The following XKR5 variants were observed in gnomAD, a reference collection of about 807,000 sequenced individuals.
XKR5 encodes XK related 5, also known as XK-related protein 5.
XKR5 carries 46 observed loss-of-function variants against 40.8 expected under a neutral mutation model. The observed-to-expected ratio is 1.13, with a 90% CI of 0.89 to 1.44. XKR5 has a LOEUF of 1.44. Ranked by LOEUF, XKR5 falls within the 40% of genes most tolerant of loss-of-function variation. The probability of loss-of-function intolerance (pLI) is 0.00; values close to 1 mark genes in which losing one functional copy is unlikely to be tolerated. For synonymous variants in XKR5, 466 were observed against 356.1 expected, an observed-to-expected ratio of 1.31 and a Z score of -3.48; for missense variants, 1,169 against 844.7, an observed-to-expected ratio of 1.38 and a Z score of -4.76.
chr8:6,833,554 A>C (rs1804867343), intron 1 of XKR5, among the ~76,000 whole-genome samples: 1 of 152,152 alleles, frequency 6.6e-6, no homozygotes. Flanking sequence ...CTCTCTACTA[A>C]AAATACAAAA....
intron 6 of XKR5, among the ~76,000 whole-genome samples, chr8:6,814,495 G>A (rs528803025): frequency 9.9e-5 from 15 of 152,224 alleles, no homozygotes; most frequent in African/African-American, 3.1e-4. Context: ...GAGAGGAAGG[G>A]GGCCACATGA....
Position 6,810,991 on chromosome 8 carries a change from A to G in XKR5, c.*207T>C. The G allele has an allele frequency of 1.8e-6, 1 of 549,910 alleles. No individual in the cohort carries two copies. Among genetic ancestry groups the G allele is most frequent in the Non-Finnish European group, 3.2e-6 (1 of 313,254 alleles). 34.1% of individuals were successfully genotyped at this position (549,910 alleles called of 1,614,324 possible). A position where few individuals can be genotyped will look rare whatever the true frequency, so the allele number is the denominator to read the frequency against. On this transcript the variant is annotated 3_prime_UTR_variant, in exon 7 of 7. Coordinates refer to ENST00000618742, the MANE Select transcript of XKR5 (RefSeq NM_207411.5). ...TCTAAAGTATGTTAGAGTCTCTCCT[A>G]TGCATGGGTGGGGTCTGTGATGTTT... is the stretch of plus-strand genomic sequence containing the variant.
At chr8:6,832,615 G>A in intron 2 of XKR5, 102 bp downstream of exon 2, 1 of 1,479,240 alleles carries the variant, frequency 6.8e-7, no homozygotes, top group East Asian at 2.3e-5. Context: ...TCCCAATGCT[G>A]AACTTTTATG....
At position 6,826,250 on chromosome 8, in the gene XKR5, T is replaced by C. The variant is rs905952837; in HGVS notation, c.243-901A>G. ...GCTTGCATATATATAGTGTGTATGT[T>C]TATATATGTGTGTGCATGAAGGTAT... On this transcript the variant is annotated intron_variant, in intron 2 of 6. Transcript: ENST00000618742. Among the ~76,000 whole-genome samples the C allele has an allele frequency of 5.3e-5, 8 of 152,156 alleles. No homozygotes were observed. The South Asian group carries it at 1.7e-3, about 32-fold the overall frequency.
At chr8:6,830,825 A>G (rs73661489) in intron 2 of XKR5, among the ~76,000 whole-genome samples, 2,623 of 152,300 alleles carry the variant, frequency 0.017, 82 homozygotes, top group African/African-American at 0.058. Context: ...AAATCATGGC[A>G]TCACTTAAGA....
rs13272311 is a variant in XKR5, at chr8:6,809,778, T to C, written c.*1420A>G. On this transcript the variant is annotated 3_prime_UTR_variant, in exon 7 of 7. Coordinates refer to ENST00000618742, the MANE Select transcript of XKR5 (RefSeq NM_207411.5). ...CTACTATTCCTTTTTAGAGCTCTAATATTGTACCCTAATCCAAAAGTGTTT... is the reference window on the plus strand; with the variant it reads ...CTACTATTCCTTTTTAGAGCTCTAACATTGTACCCTAATCCAAAAGTGTTT... 3 of 152,188 alleles carry C rather than the reference T, an allele frequency of 2.0e-5. No homozygotes were observed. Among genetic ancestry groups the C allele is most frequent in the African/African-American group, 7.2e-5 (3 of 41,448 alleles). 9.4% of individuals were successfully genotyped at this position (152,188 alleles called of 1,614,324 possible).
Position 6,812,273 on chromosome 8 carries a change from C to T in XKR5, c.986G>A (p.Cys329Tyr). 6.4e-7 allele frequency: 1 copy of T among 1,554,086 alleles called. No homozygotes were observed. Among genetic ancestry groups the T allele is most frequent in the South Asian group, 1.2e-5 (1 of 84,164 alleles). Residue 329 changes from cysteine to tyrosine, a missense_variant, in exon 7 of 7, where the codon TGC becomes TAC. By Grantham distance (194) the Cys-to-Tyr change is radical (BLOSUM62 -2). Transcript: ENST00000618742. ...HPKSTDIWQG[C>Y]LRKSCGIAGG... ...TGCAATGCCACAGGACTTCCTTAGG[C>T]AGCCCTGCCAGATGTCTGTGGATTT... is the stretch of plus-strand genomic sequence containing the variant.
chr8:6,832,437 T>C (rs1223799890), intron 2 of XKR5, among the ~76,000 whole-genome samples: 2 of 152,008 alleles, frequency 1.3e-5, no homozygotes, highest in Non-Finnish European at 2.9e-5. Flanking sequence ...AACCAACAAA[T>C]CAAAACAGCA....
chr8:6,811,053 C>T lies in XKR5; in HGVS notation c.*145G>A, dbSNP rs1490519338. On this transcript the variant is annotated 3_prime_UTR_variant, in exon 7 of 7. Transcript: ENST00000618742. ...GCAAAATCATCCAGCCCTGTTTCTT[C>T]ATTTTTCAGGGATGCAGATGGAGAT... The T allele has an allele frequency of 1.1e-5, 9 of 826,508 alleles. No homozygotes were observed. Among genetic ancestry groups the T allele is most frequent in the Non-Finnish European group, 1.6e-5 (9 of 572,926 alleles). 51.2% of individuals were successfully genotyped at this position (826,508 alleles called of 1,614,324 possible).
intron 6 of XKR5, among the ~76,000 whole-genome samples, chr8:6,813,586 A>T (rs977268822): frequency 6.6e-6 from 1 of 152,166 alleles, no homozygotes; most frequent in African/African-American, 2.4e-5. Flanking sequence ...TTTGGGTTCA[A>T]TCTTCCTGCC....
At chr8:6,827,094 G>C (rs1804523382) in intron 2 of XKR5, among the ~76,000 whole-genome samples, 1 of 152,110 alleles carries the variant, frequency 6.6e-6, no homozygotes, top group Non-Finnish European at 1.5e-5. Flanking sequence ...GATCCACATA[G>C]AACCCATGAC....
At chr8:6,831,549 T>C (rs774204050) in intron 2 of XKR5, among the ~76,000 whole-genome samples, 1 of 152,158 alleles carries the variant, frequency 6.6e-6, no homozygotes, top group Non-Finnish European at 1.5e-5. Context: ...ATCACTCATT[T>C]CAGTGCCTCC....
rs1475302825 is a variant in XKR5 at position 6,811,567 on chromosome 8, T to C, written c.1692A>G (p.Gln564=). The C allele has an allele frequency of 2.6e-6, 4 of 1,536,978 alleles. No individual in the cohort carries two copies. In the South Asian group the frequency reaches 4.8e-5, roughly 18 times the overall value. ...CCAGCCTCCTTCCAGAGTGGGCCGT[T>C]TGCAGAGTAGCTGGGCTGCCTTCTT... ...SQQEGSPATL[Q]TAHSGRRLGK... is the part of the protein sequence containing the mutation. The change falls in exon 7 of 7, where the codon CAA becomes CAG. Residue 564 remains glutamine (Q), a synonymous_variant. Coordinates refer to ENST00000618742, the MANE Select transcript of XKR5 (RefSeq NM_207411.5).
At chr8:6,827,131 C>T (rs1179986525) in intron 2 of XKR5, among the ~76,000 whole-genome samples, 3 of 152,268 alleles carry the variant, frequency 2.0e-5, no homozygotes, top group Admixed American at 6.5e-5. Flanking sequence ...ACCACACCAG[C>T]GGGCTCTCAG....
rs368394093 is a variant in XKR5, at chr8:6,825,340, G to C, written c.252C>G (p.Asp84Glu). ...CCTTCTGCAGACTGGTCAGTGCAGCGTCCCAGTGCCTAGGGAACAGCAGAG... is the reference window on the plus strand; with the variant it reads ...CCTTCTGCAGACTGGTCAGTGCAGCCTCCCAGTGCCTAGGGAACAGCAGAG... ...LQLGVWKRHW[D>E]AALTSLQKEL... Residue 84 changes from aspartate (D) to glutamate (E), a missense_variant, in exon 3 of 7, where the codon GAC becomes GAG. Asp to Glu is a conservative substitution (Grantham distance 45). Coordinates refer to ENST00000618742, the MANE Select transcript of XKR5 (RefSeq NM_207411.5). 4 of 1,564,742 alleles carry C rather than the reference G, an allele frequency of 2.6e-6. No individual in the cohort carries two copies. In the African/African-American group the frequency reaches 4.1e-5, roughly 16 times the overall value.
chr8:6,817,535 C>CAAACACTGACTTGAACAAACACT lies in XKR5; in HGVS notation c.808-1618_808-1617insAGTGTTTGTTCAAGTCAGTGTTT, dbSNP rs1380663675. Among the ~76,000 whole-genome samples, 4 of 151,896 alleles carry CAAACACTGACTTGAACAAACACT rather than the reference C, an allele frequency of 2.6e-5. No homozygotes were observed. The East Asian group carries it at 7.8e-4, about 29-fold the overall frequency. ...CCGAGAGACTTGAACAAACACTGAC[C>CAAACACTGACTTGAACAAACACT]GAGTTTCCAGCAGCTCAAGGCCTCA... On this transcript the variant is annotated intron_variant, in intron 5 of 6. Coordinates refer to ENST00000618742, the MANE Select transcript of XKR5 (RefSeq NM_207411.5).
intron 3 of XKR5, among the ~76,000 whole-genome samples, chr8:6,824,421 G>A (rs1804369659): frequency 6.6e-6 from 1 of 152,150 alleles, no homozygotes; most frequent in Non-Finnish European, 1.5e-5. Flanking sequence ...ATGAGAATGT[G>A]AATGGCCTGA....
chr8:6,826,692 T>C (rs1432469813), intron 2 of XKR5, among the ~76,000 whole-genome samples: 1 of 151,964 alleles, frequency 6.6e-6, no homozygotes, highest in Non-Finnish European at 1.5e-5. Flanking sequence ...GATGACCAGT[T>C]GTGGTTGAGG....
At position 6,822,052 on chromosome 8, in the gene XKR5, G is replaced by C. The variant is rs368434654; in HGVS notation, c.638-14C>G. 1 of 1,595,978 alleles carries C rather than the reference G, an allele frequency of 6.3e-7. No individual in the cohort carries two copies. Among genetic ancestry groups the C allele is most frequent in the Admixed American group, 1.7e-5 (1 of 57,750 alleles). On this transcript the variant is annotated splice_polypyrimidine_tract_variant and intron_variant, in intron 4 of 6. Transcript: ENST00000618742. Reference sequence around the variant, plus strand: ...GCCAGTGGGCACCTGCAGAGAAGCCGGGTGCAGACGTCAGGGTCCATGCAA... The same window carrying C: ...GCCAGTGGGCACCTGCAGAGAAGCCCGGTGCAGACGTCAGGGTCCATGCAA...
Sources: allele counts gnomAD v4.1 joint callset (sites outside exome capture counted in the v4.1 genomes callset), GRCh38; gene constraint gnomAD v4.1.1; transcripts MANE v1.5; gene names NCBI Gene and HGNC (gene_info 2026-07-23, HGNC 2026-07-21).